The following KCNU1 variants were observed in gnomAD, a reference collection of about 807,000 sequenced individuals.
KCNU1 encodes the protein potassium calcium-activated channel subfamily U member 1.
KCNU1 carries 93 observed loss-of-function variants against 126.8 expected under a neutral mutation model. The ratio of observed to expected loss-of-function variants is 0.73; its 90% CI spans 0.62 to 0.87. The LOEUF (loss-of-function observed/expected upper bound fraction) is 0.87. KCNU1 is among the 40% of genes least tolerant of loss of function. KCNU1 has a pLI of 0.00. For missense variants in KCNU1, 1,330 were observed against 1,367.1 expected, an observed-to-expected ratio of 0.97 and a Z score of 0.43; for synonymous variants, 523 against 494.2, an observed-to-expected ratio of 1.06 and a Z score of -0.77.
At chr8:36,920,403 A>G (rs187756397) in intron 23 of KCNU1, among the ~76,000 whole-genome samples, 228 of 152,322 alleles carry the variant, frequency 1.5e-3, no homozygotes, top group Admixed American at 3.1e-3. Context: ...AGTGTAAGTT[A>G]GAGTGGTTGC....
chr8:36,808,019 ATC>A (rs1167229694), intron 6 of KCNU1, among the ~76,000 whole-genome samples: 1 of 152,136 alleles, frequency 6.6e-6, no homozygotes, highest in Non-Finnish European at 1.5e-5. Flanking sequence ...CCCAGTCAAA[ATC>A]TCCATGCCTT....
intron 20 of KCNU1, 83 bp from the exon 21 acceptor site, chr8:36,909,228 T>C (rs924537381): frequency 4.9e-5 from 40 of 823,546 alleles, no homozygotes; most frequent in East Asian, 1.5e-4. Context: ...CCTAGAAGAA[T>C]TGGGAGGAGA....
intron 19 of KCNU1, among the ~76,000 whole-genome samples, chr8:36,902,606 T>C (rs1484424710): frequency 1.3e-5 from 2 of 152,118 alleles, no homozygotes; most frequent in African/African-American, 4.8e-5. Context: ...TTGGTCATGA[T>C]ATGTAAACAC....
At chr8:36,809,258 G>A (rs749375989) in intron 7 of KCNU1, among the ~76,000 whole-genome samples, 3 of 152,128 alleles carry the variant, frequency 2.0e-5, no homozygotes, top group African/African-American at 4.8e-5. Flanking sequence ...TGCCTCCTTT[G>A]CCTGTAGGAA....
At chr8:36,830,726 T>C (rs1176812264) in intron 10 of KCNU1, among the ~76,000 whole-genome samples, 1 of 151,372 alleles carries the variant, frequency 6.6e-6, no homozygotes, top group African/African-American at 2.4e-5. Context: ...GTGTGTGTGT[T>C]GTGTTTTGAG....
chr8:36,932,846 G>C lies in KCNU1; in HGVS notation c.2932-74G>C, dbSNP rs1221360473. On this transcript the variant is annotated intron_variant, in intron 25 of 26. Coordinates refer to ENST00000399881, the MANE Select transcript of KCNU1 (RefSeq NM_001031836.3). ...GCTTCTACTACCAGATAAAGCAAAC[G>C]ACACTCCAGTGAGTGCTTATAATTG... The C allele has an allele frequency of 3.6e-6, 3 of 836,326 alleles. No homozygotes were observed. The South Asian group carries it at 4.5e-5, about 12-fold the overall frequency. 51.8% of individuals were successfully genotyped at this position (836,326 alleles called of 1,614,324 possible).
Position 36,838,603 on chromosome 8 carries a change from A to G in KCNU1, c.1518+1658A>G, listed in dbSNP as rs1056020137. ...CCCCAGCAATTGGGGAGGCTGAGGC[A>G]GGGGAGTTGCTTGAACCCAGGAGGT... On this transcript the variant is annotated intron_variant, in intron 14 of 26. Coordinates refer to ENST00000399881, the MANE Select transcript of KCNU1 (RefSeq NM_001031836.3). 1.4e-4 allele frequency among the ~76,000 whole-genome samples: 21 copies of G among 152,224 alleles called. No homozygotes were observed. In the East Asian group the frequency reaches 4.1e-3, roughly 30 times the overall value.
At chr8:36,934,636 G>T (rs1325389051) in intron 26 of KCNU1, among the ~76,000 whole-genome samples, 1 of 152,084 alleles carries the variant, frequency 6.6e-6, no homozygotes, top group African/African-American at 2.4e-5. Context: ...TAGAATTGAG[G>T]CTACAGAGGA....
At chr8:36,926,782 A>G (rs1367309943) in intron 24 of KCNU1, among the ~76,000 whole-genome samples, 1 of 152,114 alleles carries the variant, frequency 6.6e-6, no homozygotes, top group African/African-American at 2.4e-5. Flanking sequence ...TCTGCGTCCC[A>G]CTGCAACATA....
At position 36,900,537 on chromosome 8, in the gene KCNU1, A is replaced by G. The variant is rs569001465; in HGVS notation, c.2010-5171A>G. Reference sequence around the variant, plus strand: ...GAGTAGGATCAGGTGGGAAGCACTGATTATGTAACCTGCCCTTACATTCCC... The same window carrying G: ...GAGTAGGATCAGGTGGGAAGCACTGGTTATGTAACCTGCCCTTACATTCCC... On this transcript the variant is annotated intron_variant, in intron 19 of 26. Transcript: ENST00000399881. Among the ~76,000 whole-genome samples the G allele has an allele frequency of 6.1e-4, 93 of 152,158 alleles. 1 individual carries two copies. Among genetic ancestry groups the G allele is most frequent in the Admixed American group, 2.8e-3 (42 of 15,270 alleles).
intron 22 of KCNU1, 146 bp downstream of exon 22, chr8:36,911,265 A>T: frequency 1.7e-6 from 1 of 578,590 alleles, no homozygotes; most frequent in East Asian, 2.9e-5. Flanking sequence ...AGAATCCCAT[A>T]GTAGAAATAG....
In KCNU1 at chr8:36,817,658, TG is replaced by T; in HGVS notation, c.1006del (p.Val336SerfsTer10). The part of the protein sequence containing the change: ...YEALKGKKFI[V>X]VCGNITVDSV... The stretch of plus-strand genomic sequence containing the variant: ...CTGTTTTTGCTGCCTAGGTTTATTG[TG>T]GTCTGTGGAAACATCACTGTGGACA... On this transcript the variant is annotated frameshift_variant, in exon 10 of 27. Transcript: ENST00000399881. LOFTEE classifies it high-confidence loss of function. 1 of 1,603,208 alleles carries T rather than the reference TG, an allele frequency of 6.2e-7. No homozygotes were observed. The highest frequency in any genetic ancestry group is 8.5e-7 in the Non-Finnish European group (1 of 1,170,160).
intron 19 of KCNU1, chr8:36,889,139 A>G (rs1468959811): frequency 1.9e-6 from 1 of 533,788 alleles, no homozygotes; most frequent in Non-Finnish European, 3.8e-6. Flanking sequence ...TTGGCCTTCC[A>G]AAGTGCTTGG....
chr8:36,789,828 A>G (rs1164373368), intron 2 of KCNU1, among the ~76,000 whole-genome samples: 1 of 152,210 alleles, frequency 6.6e-6, no homozygotes, highest in Non-Finnish European at 1.5e-5. Context: ...AGATTGAGAG[A>G]ATAGAATTGC....
chr8:36,906,336 T>A (rs1182152968), intron 20 of KCNU1, among the ~76,000 whole-genome samples: 1 of 152,090 alleles, frequency 6.6e-6, no homozygotes, highest in East Asian at 1.9e-4. Context: ...CCGGGGTGAA[T>A]CTTTGTAGAT....
Position 36,813,694 on chromosome 8 carries a change from C to T in KCNU1, c.733-513C>T, listed in dbSNP as rs374998205. 7.9e-5 allele frequency among the ~76,000 whole-genome samples: 12 copies of T among 151,222 alleles called. No homozygotes were observed. The South Asian group carries it at 2.1e-3, about 26-fold the overall frequency. On this transcript the variant is annotated intron_variant, in intron 7 of 26. Coordinates refer to ENST00000399881, the MANE Select transcript of KCNU1 (RefSeq NM_001031836.3). ...TTTAAAAAAAAAATCACTGAAAAGA[C>T]GATTGTGCAAAGAGGAAAATAACTT...
intron 20 of KCNU1, 48 bp downstream of exon 20, chr8:36,905,852 T>C (rs753473061): frequency 1.1e-6 from 1 of 887,138 alleles, no homozygotes; most frequent in East Asian, 2.6e-5. Flanking sequence ...AAGCATTTCG[T>C]AGGGTAAGTG....
chr8:36,855,532 G>T lies in KCNU1; in HGVS notation c.1892-8872G>T, dbSNP rs530522105. The stretch of plus-strand genomic sequence containing the variant: ...CCAAGAATATGGAGTATTATGTTTT[G>T]AAAGCTATCGATGAGCTGTGGAGCT... On this transcript the variant is annotated intron_variant, in intron 18 of 26. Transcript: ENST00000399881. 2.6e-5 allele frequency among the ~76,000 whole-genome samples: 4 copies of T among 152,210 alleles called. No homozygotes were observed. The South Asian group carries it at 8.3e-4, about 32-fold the overall frequency.
chr8:36,831,173 G>A (rs1191249500), intron 10 of KCNU1, among the ~76,000 whole-genome samples: 3 of 151,822 alleles, frequency 2.0e-5, no homozygotes, highest in Admixed American at 1.3e-4. Context: ...GGACATTTGG[G>A]TTGGTTCCAA....
Sources: gnomAD v4.1 joint callset for allele counts (sites outside exome capture counted in the v4.1 genomes callset) on GRCh38, gnomAD v4.1.1 for gene constraint, MANE v1.5 for transcripts, NCBI Gene and HGNC (gene_info 2026-07-23, HGNC 2026-07-21) for gene names.